ADGRV1: variants seen among roughly 807,000 people sequenced by gnomAD.
ADGRV1 encodes the protein adhesion G protein-coupled receptor V1, also known as G-protein coupled receptor 98.
Under a neutral mutation model 596.2 loss-of-function variants are expected in ADGRV1, and 359 were observed. The ratio of observed to expected loss-of-function variants is 0.60; its 90% CI spans 0.55 to 0.66. The LOEUF is 0.66. Ranked by LOEUF, ADGRV1 falls within the 30% of genes least tolerant of loss-of-function variation. ADGRV1 has a pLI of 0.00. For missense variants in ADGRV1, 7,274 were observed against 7,575.6 expected (o/e 0.96, Z 1.48); for synonymous variants, 2,681 against 2,679.2 (o/e 1.00, Z -0.02).
At chr5:90,742,452 A>G (rs565318988) in intron 50 of ADGRV1, among the ~76,000 whole-genome samples, 1 of 152,320 alleles carries the variant, frequency 6.6e-6, no homozygotes, top group East Asian at 1.9e-4. Flanking sequence ...AATGTGGCCC[A>G]AATACAGACA....
In ADGRV1 at chr5:90,675,234, C is replaced by A. The variant is rs1242722721; in HGVS notation, c.5111-9C>A. The A allele has an allele frequency of 6.2e-7, 1 of 1,610,338 alleles. No homozygotes were observed. Among genetic ancestry groups the A allele is most frequent in the East Asian group, 2.2e-5 (1 of 44,846 alleles). On this transcript the variant is annotated splice_polypyrimidine_tract_variant and intron_variant, in intron 23 of 89. Transcript: ENST00000405460. ...TGGGACAATGCCCTGGCCCCTTTGT[C>A]TCCACTAGGCTTGCTGCAGTTCTCC...
chr5:90,728,895 A>G lies in ADGRV1; in HGVS notation c.10388A>G (p.Asn3463Ser), dbSNP rs1278676047. 6.2e-7 allele frequency: 1 copy of G among 1,612,944 alleles called. No individual in the cohort carries two copies. Among genetic ancestry groups the G allele is most frequent in the East Asian group, 2.2e-5 (1 of 44,882 alleles). Reference protein sequence around the residue: ...TTEVEALSSANDIYLIFAENV... With the variant: ...TTEVEALSSASDIYLIFAENV... ...GAAGTTGAGGCTTTGTCTTCAGCCA[A>G]TGATATTTACCTAATATTTGCCGAA... The change falls in exon 49 of 90, where the codon AAT (asparagine) becomes AGT (serine). Residue 3463 changes from asparagine (N) to serine (S), a missense_variant. Coordinates refer to ENST00000405460, the MANE Select transcript of ADGRV1 (RefSeq NM_032119.4).
chr5:90,986,320 CTTAA>C (rs1183331206), intron 85 of ADGRV1, among the ~76,000 whole-genome samples: 4 of 151,710 alleles, frequency 2.6e-5, no homozygotes, highest in African/African-American at 9.7e-5. Context: ...GACAGTATTA[CTTAA>C]TTATCTCACA....
chr5:90,774,116 G>A, intron 59 of ADGRV1, 70 bp from the exon 60 acceptor site: 1 of 720,460 alleles, frequency 1.4e-6, no homozygotes, highest in South Asian at 2.3e-5. Context: ...ACGTTATTCT[G>A]CTAATGACAA....
rs779733615 is a variant in ADGRV1, at chr5:90,829,006, A to G, written c.16431A>G (p.Ile5477Met). Residue 5477 changes from isoleucine (I) to methionine (M), a missense_variant, in exon 77 of 90, where the codon ATA (isoleucine) becomes ATG (methionine). By Grantham distance (10) the Ile-to-Met change is conservative. This residue lies in a region of ADGRV1 where 1,874 missense variants were observed against 1,970.2 expected (regional missense o/e 0.95). Transcript: ENST00000405460. ...ELYEATAGAA[I>M]NNSARFAQIK... Reference sequence around the variant, plus strand: ...ATGAAGCTACTGCTGGAGCAGCAATAAACAACAGTGCCAGATTCGCACAGA... The same window carrying G: ...ATGAAGCTACTGCTGGAGCAGCAATGAACAACAGTGCCAGATTCGCACAGA... 3 of 1,609,144 alleles carry G rather than the reference A, an allele frequency of 1.9e-6. No homozygotes were observed. The South Asian group carries it at 3.3e-5, about 18-fold the overall frequency.
At chr5:90,874,993 A>G (rs1278219401) in intron 83 of ADGRV1, among the ~76,000 whole-genome samples, 3 of 152,210 alleles carry the variant, frequency 2.0e-5, no homozygotes, top group Non-Finnish European at 4.4e-5. Context: ...GAAAATAAGC[A>G]CTTCCTATAT....
chr5:90,736,203 C>T (rs921480334), intron 50 of ADGRV1, among the ~76,000 whole-genome samples: 2 of 151,578 alleles, frequency 1.3e-5, no homozygotes, highest in African/African-American at 2.4e-5. Context: ...TGATTTTTTT[C>T]AAATACTTTG....
chr5:91,097,249 GA>G (rs1790955155), intron 86 of ADGRV1, among the ~76,000 whole-genome samples: 1 of 152,194 alleles, frequency 6.6e-6, no homozygotes. Flanking sequence ...TCACATGGTG[GA>G]AGGGGCAGGA....
At chr5:90,736,296 C>T (rs1753208789) in intron 50 of ADGRV1, among the ~76,000 whole-genome samples, 2 of 152,004 alleles carry the variant, frequency 1.3e-5, no homozygotes, top group African/African-American at 4.8e-5. Context: ...ATATATTGAA[C>T]CATCCATAAA....
At chr5:90,968,378 A>G (rs145999712) in intron 84 of ADGRV1, among the ~76,000 whole-genome samples, 399 of 152,364 alleles carry the variant, frequency 2.6e-3, no homozygotes, top group Admixed American at 5.0e-3. Flanking sequence ...ACAAAATCAT[A>G]TATAAGATTT....
At chr5:90,925,473 A>G (rs546883257) in intron 83 of ADGRV1, among the ~76,000 whole-genome samples, 1 of 152,150 alleles carries the variant, frequency 6.6e-6, no homozygotes. Context: ...ATTTTTGTAC[A>G]TTGATTTTGT....
chr5:90,774,476 A>G (rs1025728727), intron 60 of ADGRV1, among the ~76,000 whole-genome samples, 173 bp downstream of exon 60: 2 of 152,218 alleles, frequency 1.3e-5, no homozygotes, highest in African/African-American at 4.8e-5. Context: ...TAAAATTATA[A>G]TACCCAATCT....
chr5:90,800,244 G>A (rs1462689622), intron 70 of ADGRV1, among the ~76,000 whole-genome samples: 1 of 150,302 alleles, frequency 6.7e-6, no homozygotes, highest in African/African-American at 2.4e-5. Flanking sequence ...AAAAAAACAA[G>A]CCCATCAAGA....
At chr5:91,156,518 G>A (rs1415927871) in intron 89 of ADGRV1, among the ~76,000 whole-genome samples, 2 of 152,138 alleles carry the variant, frequency 1.3e-5, no homozygotes, top group Non-Finnish European at 2.9e-5. Flanking sequence ...GTCATCAGTT[G>A]TTGAAGTTAT....
At chr5:90,961,232 G>C (rs945244800) in intron 83 of ADGRV1, among the ~76,000 whole-genome samples, 1 of 152,086 alleles carries the variant, frequency 6.6e-6, no homozygotes, top group Admixed American at 6.6e-5. Flanking sequence ...CGCGCGCAGC[G>C]GTTCACGCCT....
chr5:90,562,888 C>T (rs1755047096), intron 1 of ADGRV1, among the ~76,000 whole-genome samples: 1 of 152,090 alleles, frequency 6.6e-6, no homozygotes, highest in South Asian at 2.1e-4. Context: ...ATTATGTTTT[C>T]TGGTTATTTT....
intron 6 of ADGRV1, chr5:90,626,153 C>T (rs1480207031): frequency 1.3e-5 from 2 of 151,960 alleles, no homozygotes; most frequent in Non-Finnish European, 2.9e-5. Flanking sequence ...CCTCCCTCTA[C>T]CCTCCTACAA....
intron 45 of ADGRV1, 59 bp downstream of exon 45, chr5:90,721,118 G>A: frequency 2.1e-6 from 3 of 1,457,466 alleles, no homozygotes; most frequent in African/African-American, 1.4e-5. Flanking sequence ...GCATGTATAA[G>A]ATTTATATTT....
At chr5:91,031,220 T>G in intron 85 of ADGRV1, 1 of 1,585,760 alleles carries the variant, frequency 6.3e-7, no homozygotes, top group African/African-American at 1.3e-5. Context: ...TGTGTCCATG[T>G]GGTTCCTTCA....
Sources: allele counts gnomAD v4.1 joint callset (sites outside exome capture counted in the v4.1 genomes callset), GRCh38; gene constraint gnomAD v4.1.1; regional missense constraint gnomAD v4.1.1; transcripts MANE v1.5; gene names NCBI Gene and HGNC (gene_info 2026-07-23, HGNC 2026-07-21).